MGLL: variants seen among roughly 807,000 people sequenced by gnomAD.
MGLL encodes lysophospholipase homolog.
MGLL carries 7 observed loss-of-function variants against 29.1 expected under a neutral mutation model. The observed-to-expected ratio is 0.24, with a 90% confidence interval of 0.14 to 0.45. The LOEUF is 0.45. Ranked by LOEUF, MGLL falls within the 20% of genes least tolerant of loss-of-function variation. The pLI is 0.99. For synonymous variants in MGLL, 148 were observed against 168.3 expected, an observed-to-expected ratio of 0.88 and a Z score of 0.93; for missense variants, 356 against 413.6, an observed-to-expected ratio of 0.86 and a Z score of 1.21.
chr3:127,710,606 G>A lies in MGLL; in HGVS notation c.570C>T (p.Asp190=), dbSNP rs1159423969. The change falls in exon 6 of 8, where the codon GAC becomes GAT. Residue 190 remains aspartate, a synonymous_variant. Coordinates refer to ENST00000265052, the MANE Select transcript of MGLL (RefSeq NM_007283.7). ...TCTTATTCCGAGAGAGCACGCTGGA[G>A]TCGATGGGCCCGAGGGACAAGTTTG... is the stretch of plus-strand genomic sequence containing the variant. ...VLPNLSLGPI[D]SSVLSRNKTE... 6.4e-7 allele frequency: 1 copy of A among 1,570,942 alleles called. No individual in the cohort carries two copies. Among genetic ancestry groups the A allele is most frequent in the Non-Finnish European group, 8.6e-7 (1 of 1,156,918 alleles).
chr3:127,796,863 A>G (rs913424259), intron 2 of MGLL, among the ~76,000 whole-genome samples: 1 of 152,252 alleles, frequency 6.6e-6, no homozygotes, highest in Non-Finnish European at 1.5e-5. Flanking sequence ...AGCATCCACC[A>G]GCCTGAAACA....
Position 127,692,303 on chromosome 3 carries a change from A to G in MGLL, c.837T>C (p.His279=). 2 of 1,614,060 alleles carry G rather than the reference A, an allele frequency of 1.2e-6. No homozygotes were observed. Among genetic ancestry groups the G allele is most frequent in the Non-Finnish European group, 1.7e-6 (2 of 1,179,980 alleles). The change falls in exon 8 of 8, where the codon CAT becomes CAC. Residue 279 remains histidine, a synonymous_variant. Transcript: ENST00000265052. ...CTTCAGGAAGCTCCTTGTGGAGAAC[A>G]TGGTAGGCACCTTCATAAATCTGCA... ...KTLKIYEGAY[H]VLHKELPEVT...
At chr3:127,805,229 A>G (rs186339451) in intron 2 of MGLL, among the ~76,000 whole-genome samples, 1 of 152,346 alleles carries the variant, frequency 6.6e-6, no homozygotes, top group African/African-American at 2.4e-5. Flanking sequence ...GATGGCTCCA[A>G]GTTCCTCTGG....
At chr3:127,812,072 T>A (rs903248930) in intron 2 of MGLL, among the ~76,000 whole-genome samples, 1 of 152,246 alleles carries the variant, frequency 6.6e-6, no homozygotes, top group African/African-American at 2.4e-5. Context: ...GAAACATTTC[T>A]ACCAACCATG....
At chr3:127,708,810 A>G (rs2075653968) in intron 6 of MGLL, among the ~76,000 whole-genome samples, 1 of 152,196 alleles carries the variant, frequency 6.6e-6, no homozygotes, top group Non-Finnish European at 1.5e-5. Context: ...CCCCACACTG[A>G]GTTTCCCTGT....
chr3:127,817,616 CAT>C (rs1320236952), intron 2 of MGLL, among the ~76,000 whole-genome samples: 1 of 152,222 alleles, frequency 6.6e-6, no homozygotes, highest in Non-Finnish European at 1.5e-5. Context: ...GTTGTACAAT[CAT>C]ATAATTACAG....
At chr3:127,720,960 CCTTT>C (rs2075906819) in intron 5 of MGLL, 89 bp downstream of exon 5, 2 of 1,073,944 alleles carry the variant, frequency 1.9e-6, no homozygotes, top group Non-Finnish European at 2.9e-6. Flanking sequence ...CCAAGGATGG[CCTTT>C]GGTCTTTTTA....
intron 2 of MGLL, among the ~76,000 whole-genome samples, chr3:127,809,906 A>T (rs1194889697): frequency 1.3e-5 from 2 of 152,192 alleles, no homozygotes; most frequent in Non-Finnish European, 2.9e-5. Context: ...ACGGAACCAC[A>T]GAGAAGTACG....
chr3:127,722,455 G>A lies in MGLL; in HGVS notation c.374C>T (p.Pro125Leu), dbSNP rs771327540. The A allele has an allele frequency of 4.9e-5, 79 of 1,614,130 alleles. No homozygotes were observed. The highest frequency in any genetic ancestry group is 1.7e-4 in the Admixed American group (10 of 60,006). ...CATGGAGTGGCCCAGAAGGAAGACA[G>A]GAAGCCCAGGGTAGTCTTTCTGCAT... ...DSMQKDYPGL[P>L]VFLLGHSMGG... Residue 125 changes from proline (P) to leucine (L), a missense_variant, in exon 4 of 8, where the codon CCT becomes CTT. Transcript: ENST00000265052.
intron 6 of MGLL, among the ~76,000 whole-genome samples, chr3:127,704,633 T>C (rs2075563342): frequency 6.6e-6 from 1 of 152,034 alleles, no homozygotes; most frequent in East Asian, 1.9e-4. Flanking sequence ...AAGAAACACA[T>C]GAAAAAAAGC....
In MGLL at chr3:127,710,478, GAA is replaced by G. The variant is rs2075688928; in HGVS notation, c.600+96_600+97del. 4.5e-6 allele frequency: 5 copies of G among 1,118,200 alleles called. No homozygotes were observed. In the Admixed American group the frequency reaches 8.0e-5, roughly 18 times the overall value. The allele number at this position is 1,118,200 out of a possible 1,614,324, so 69.3% of individuals were successfully genotyped here. A position where few individuals can be genotyped will look rare whatever the true frequency, so the allele number is the denominator to read the frequency against. On this transcript the variant is annotated intron_variant, in intron 6 of 7. Transcript: ENST00000265052. ...TTGTCACTTTGCACAGGGCCTCGGT[GAA>G]AGGGCAGCAGAGAATGCCAAGGCTG...
rs142341082 is a variant in MGLL at position 127,745,167 on chromosome 3, A to G, written c.263-22601T>C. 3.9e-3 allele frequency among the ~76,000 whole-genome samples: 601 copies of G among 152,258 alleles called. 2 individuals are homozygous for G. Among genetic ancestry groups the G allele is most frequent in the Non-Finnish European group, 6.9e-3 (466 of 68,018 alleles). On this transcript the variant is annotated intron_variant, in intron 3 of 7. Transcript: ENST00000265052. ...TGAAAGCCGCCATCGGGGCCAGGGTATTTACTGAGTGGATTGCTGAAAGGG... is the reference window on the plus strand; with the variant it reads ...TGAAAGCCGCCATCGGGGCCAGGGTGTTTACTGAGTGGATTGCTGAAAGGG...
At chr3:127,781,986 C>CG (rs2077135535) in intron 2 of MGLL, 91 bp from the exon 3 acceptor site, 1 of 1,183,300 alleles carries the variant, frequency 8.5e-7, no homozygotes, top group Admixed American at 1.9e-5. Flanking sequence ...TTTGGGAGGC[C>CG]GGGGCGGGCG....
intron 3 of MGLL, among the ~76,000 whole-genome samples, chr3:127,765,024 T>G (rs1293149021): frequency 9.2e-5 from 14 of 152,178 alleles, no homozygotes; most frequent in Non-Finnish European, 1.5e-4. Context: ...TTCAGGCCTT[T>G]CAGACAACAA....
At chr3:127,744,688 A>G (rs1173347382) in intron 3 of MGLL, among the ~76,000 whole-genome samples, 2 of 152,230 alleles carry the variant, frequency 1.3e-5, no homozygotes, top group Admixed American at 6.5e-5. Flanking sequence ...TGCTCTGTGA[A>G]GTCCAAAGAA....
chr3:127,775,586 T>TA lies in MGLL; in HGVS notation c.262+6202dup, dbSNP rs749528933. On this transcript the variant is annotated intron_variant, in intron 3 of 7. Coordinates refer to ENST00000265052, the MANE Select transcript of MGLL (RefSeq NM_007283.7). ...CTCTTCTCACATGCCCCAGCTGAGT[T>TA]AAAAAAAAACACACACACAAAGCCC... 6.5e-3 allele frequency among the ~76,000 whole-genome samples: 984 copies of TA among 151,380 alleles called. 13 individuals are homozygous for TA. Among genetic ancestry groups the TA allele is most frequent in the African/African-American group, 0.019 (802 of 41,330 alleles).
At chr3:127,803,626 G>T (rs1382772752) in intron 2 of MGLL, among the ~76,000 whole-genome samples, 2 of 152,174 alleles carry the variant, frequency 1.3e-5, no homozygotes, top group Non-Finnish European at 2.9e-5. Flanking sequence ...CACACAGAGG[G>T]TTGTTAAAAA....
chr3:127,769,255 G>A (rs1175345758), intron 3 of MGLL, among the ~76,000 whole-genome samples: 2 of 151,998 alleles, frequency 1.3e-5, no homozygotes, highest in Non-Finnish European at 2.9e-5. Context: ...GGAGGCTGAG[G>A]CAGGAGAATT....
At chr3:127,777,269 A>G (rs2077052362) in intron 3 of MGLL, among the ~76,000 whole-genome samples, 1 of 152,264 alleles carries the variant, frequency 6.6e-6, no homozygotes, top group Admixed American at 6.5e-5. Flanking sequence ...AAATGCCCAG[A>G]AAATACATAA....
Sources: gnomAD v4.1 joint callset for allele counts (sites outside exome capture counted in the v4.1 genomes callset) on GRCh38, gnomAD v4.1.1 for gene constraint, MANE v1.5 for transcripts, NCBI Gene and HGNC (gene_info 2026-07-23, HGNC 2026-07-21) for gene names.